The following ARHGEF3 variants were observed in gnomAD, a reference collection of about 807,000 sequenced individuals.
ARHGEF3 encodes the protein 59.8 kDA protein.
Under a neutral mutation model 63.2 loss-of-function variants are expected in ARHGEF3, and 28 were observed. The ratio of observed to expected loss-of-function variants is 0.44; its 90% confidence interval spans 0.33 to 0.61. ARHGEF3 has a LOEUF of 0.61. Ranked by LOEUF, ARHGEF3 falls within the 20% of genes least tolerant of loss-of-function variation. The pLI is 0.03. For synonymous variants in ARHGEF3, 266 were observed against 254.2 expected (o/e 1.05, Z -0.44); for missense variants, 533 against 659.3 (o/e 0.81, Z 2.10).
intron 2 of ARHGEF3, among the ~76,000 whole-genome samples, chr3:56,968,244 ATT>A (rs1491136363): frequency 1.4e-3 from 61 of 43,352 alleles, no homozygotes; most frequent in South Asian, 5.1e-3. Flanking sequence ...AAATATATAT[ATT>A]AATATATAAT....
At chr3:56,795,106 C>A (rs1434152566) in intron 1 of ARHGEF3, among the ~76,000 whole-genome samples, 2 of 151,688 alleles carry the variant, frequency 1.3e-5, no homozygotes, top group Non-Finnish European at 2.9e-5. Flanking sequence ...CTCAAGCAAT[C>A]CTGCTGCCTC....
At chr3:56,861,263 A>G (rs533054145) in intron 4 of ARHGEF3, among the ~76,000 whole-genome samples, 26 of 152,202 alleles carry the variant, frequency 1.7e-4, no homozygotes, top group African/African-American at 6.3e-4. Flanking sequence ...TTGGCCATCA[A>G]CTTCAGACTG....
intron 3 of ARHGEF3, among the ~76,000 whole-genome samples, chr3:56,925,105 G>T (rs2042242972): frequency 6.6e-6 from 1 of 152,156 alleles, no homozygotes. Flanking sequence ...AGCCAATCAT[G>T]TGCTGGGATG....
intron 6 of ARHGEF3, among the ~76,000 whole-genome samples, chr3:56,747,568 T>C (rs139117994): frequency 0.012 from 1,891 of 152,274 alleles, 38 homozygotes; most frequent in African/African-American, 0.042. Context: ...CCGGGTGCGG[T>C]GGTTCACGCC....
intron 1 of ARHGEF3, among the ~76,000 whole-genome samples, chr3:57,046,023 T>C (rs973123745): frequency 7.5e-5 from 11 of 147,330 alleles, no homozygotes; most frequent in African/African-American, 2.7e-4. Flanking sequence ...TGCTTCAAAA[T>C]GCAGAAAAAA....
chr3:56,767,273 G>GT (rs2035753080), intron 2 of ARHGEF3, among the ~76,000 whole-genome samples: 1 of 151,886 alleles, frequency 6.6e-6, no homozygotes. Context: ...CAGTGTGATA[G>GT]TCATTTTGTT....
At chr3:56,986,581 G>A (rs1170481985) in intron 2 of ARHGEF3, among the ~76,000 whole-genome samples, 1 of 152,134 alleles carries the variant, frequency 6.6e-6, no homozygotes, top group African/African-American at 2.4e-5. Flanking sequence ...GGGGTTGGGG[G>A]GAAGCCAGCA....
intron 3 of ARHGEF3, among the ~76,000 whole-genome samples, chr3:56,923,709 T>G (rs1410852282): frequency 1.3e-5 from 2 of 152,218 alleles, no homozygotes; most frequent in Non-Finnish European, 2.9e-5. Flanking sequence ...GTGTGTCCCA[T>G]GACTCAGAGT....
intron 3 of ARHGEF3, among the ~76,000 whole-genome samples, chr3:56,918,822 G>C (rs1217660678): frequency 1.3e-5 from 2 of 152,188 alleles, no homozygotes; most frequent in African/African-American, 2.4e-5. Flanking sequence ...ACATGTTTAT[G>C]TATTGGTTTT....
intron 4 of ARHGEF3, among the ~76,000 whole-genome samples, chr3:56,840,772 T>G (rs1392076632): frequency 6.6e-6 from 1 of 152,168 alleles, no homozygotes; most frequent in African/African-American, 2.4e-5. Flanking sequence ...TATTATAACA[T>G]TAATACTATT....
At chr3:56,878,588 G>A (rs2040668703) in intron 4 of ARHGEF3, among the ~76,000 whole-genome samples, 1 of 152,188 alleles carries the variant, frequency 6.6e-6, no homozygotes, top group South Asian at 2.1e-4. Flanking sequence ...GACCCTTCCA[G>A]TTTCCTCTGT....
At chr3:56,815,315 A>G (rs1387007177) in intron 4 of ARHGEF3, among the ~76,000 whole-genome samples, 3 of 152,196 alleles carry the variant, frequency 2.0e-5, no homozygotes, top group Non-Finnish European at 4.4e-5. Context: ...ATTAAACAGC[A>G]AAGACTGAAG....
intron 2 of ARHGEF3, among the ~76,000 whole-genome samples, chr3:56,989,292 G>T (rs530898606): frequency 4.0e-3 from 596 of 148,502 alleles, no homozygotes; most frequent in Non-Finnish European, 5.6e-3. Flanking sequence ...CCTCGCTTGC[G>T]TTTTTTTTTT....
chr3:56,860,069 T>G (rs2040021321), intron 4 of ARHGEF3, among the ~76,000 whole-genome samples: 1 of 151,694 alleles, frequency 6.6e-6, no homozygotes, highest in African/African-American at 2.4e-5. Flanking sequence ...GATAGATAGA[T>G]CGATAGATAG....
At chr3:56,981,464 C>A (rs188476723) in intron 2 of ARHGEF3, among the ~76,000 whole-genome samples, 114 of 152,280 alleles carry the variant, frequency 7.5e-4, no homozygotes, top group Admixed American at 2.0e-3. Context: ...ATAGCTTGAG[C>A]AGAGGTGGGT....
intron 4 of ARHGEF3, among the ~76,000 whole-genome samples, chr3:56,873,110 C>T (rs1560010963): frequency 6.6e-6 from 1 of 152,032 alleles, no homozygotes; most frequent in Middle Eastern, 3.4e-3. Flanking sequence ...GTGATCCTCC[C>T]ACCTCAGCCT....
chr3:57,039,158 C>T (rs1184374930), intron 1 of ARHGEF3, among the ~76,000 whole-genome samples: 1 of 152,240 alleles, frequency 6.6e-6, no homozygotes, highest in Non-Finnish European at 1.5e-5. Flanking sequence ...GGCACCACCA[C>T]TCCCTCGTTC....
At chr3:56,989,396 G>C (rs1701661366) in intron 2 of ARHGEF3, among the ~76,000 whole-genome samples, 1 of 152,156 alleles carries the variant, frequency 6.6e-6, no homozygotes. Context: ...AGTGTCCACA[G>C]GTGGCCCACA....
chr3:57,017,001 C>T (rs1286101160), intron 2 of ARHGEF3, among the ~76,000 whole-genome samples: 1 of 120,116 alleles, frequency 8.3e-6, no homozygotes, highest in Non-Finnish European at 1.7e-5. Flanking sequence ...AAAGCTTTCT[C>T]TCTGTCTCTC....
Sources: allele counts gnomAD v4.1 joint callset (sites outside exome capture counted in the v4.1 genomes callset), GRCh38; gene constraint gnomAD v4.1.1; transcripts MANE v1.5; gene names NCBI Gene and HGNC (gene_info 2026-07-23, HGNC 2026-07-21).